The following LHFPL2 variants were observed in gnomAD, a reference collection of about 807,000 sequenced individuals.
LHFPL2 encodes LHFPL tetraspan subfamily member 2 protein.
In LHFPL2, 7 loss-of-function variants were observed where a neutral mutation model predicts 17.5. The ratio of observed to expected loss-of-function variants is 0.40; its 90% CI spans 0.23 to 0.75. The LOEUF (loss-of-function observed/expected upper bound fraction) is 0.75, where lower values mean the gene tolerates loss of function less well. Among genes scored for constraint, LHFPL2 ranks in the 30% least tolerant of loss-of-function variants. LHFPL2 has a pLI of 0.37. For missense variants in LHFPL2, 241 were observed against 294.8 expected, an observed-to-expected ratio of 0.82 and a Z score of 1.34; for synonymous variants, 134 against 116.2, an observed-to-expected ratio of 1.15 and a Z score of -0.99.
chr5:78,623,260 A>G (rs551755684), intron 2 of LHFPL2, among the ~76,000 whole-genome samples: 1 of 152,334 alleles, frequency 6.6e-6, no homozygotes, highest in East Asian at 1.9e-4. Flanking sequence ...CTTGCTTATT[A>G]ACATTAATTT....
chr5:78,631,935 C>CAAAAAAAAAAA (rs35424661), intron 2 of LHFPL2, among the ~76,000 whole-genome samples: 1 of 104,580 alleles, frequency 9.6e-6, no homozygotes, highest in African/African-American at 3.4e-5. Context: ...GACTCCATCT[C>CAAAAAAAAAAA]AAAAAAAAAA....
chr5:78,506,704 A>AG (rs1303029758), intron 4 of LHFPL2, among the ~76,000 whole-genome samples: 4 of 152,204 alleles, frequency 2.6e-5, no homozygotes, highest in Non-Finnish European at 5.9e-5. Context: ...AGGATAGCTC[A>AG]GTCCCTCTTT....
intron 2 of LHFPL2, among the ~76,000 whole-genome samples, chr5:78,623,640 G>A (rs1024129781): frequency 6.6e-6 from 1 of 152,148 alleles, no homozygotes; most frequent in Non-Finnish European, 1.5e-5. Context: ...TGGGGAAGGT[G>A]GGCACTCCCA....
At chr5:78,576,035 C>G (rs1482870211) in intron 2 of LHFPL2, among the ~76,000 whole-genome samples, 1 of 152,210 alleles carries the variant, frequency 6.6e-6, no homozygotes, top group Admixed American at 6.5e-5. Flanking sequence ...GTGGCTCACG[C>G]CTGTAATCCC....
intron 2 of LHFPL2, among the ~76,000 whole-genome samples, chr5:78,597,873 T>C (rs771436374): frequency 1.6e-4 from 25 of 152,290 alleles, no homozygotes; most frequent in Non-Finnish European, 3.1e-4. Flanking sequence ...CTGGGCAAGC[T>C]TGTTAGAAAA....
intron 2 of LHFPL2, among the ~76,000 whole-genome samples, chr5:78,614,855 A>C (rs191253271): frequency 6.6e-6 from 1 of 152,338 alleles, no homozygotes; most frequent in African/African-American, 2.4e-5. Context: ...ACTGGCTCCA[A>C]TTTACAGATG....
At chr5:78,516,622 A>G (rs1211972393) in intron 3 of LHFPL2, among the ~76,000 whole-genome samples, 1 of 152,210 alleles carries the variant, frequency 6.6e-6, no homozygotes, top group African/African-American at 2.4e-5. Flanking sequence ...TTTAAGATCT[A>G]TTTTTAAAAG....
chr5:78,533,601 A>G (rs1755851763), intron 3 of LHFPL2, among the ~76,000 whole-genome samples: 1 of 152,222 alleles, frequency 6.6e-6, no homozygotes, highest in Non-Finnish European at 1.5e-5. Context: ...CTAAAGGTTT[A>G]TAATCTGGTC....
intron 2 of LHFPL2, among the ~76,000 whole-genome samples, chr5:78,587,508 A>C (rs1743457795): frequency 6.6e-6 from 1 of 152,208 alleles, no homozygotes. Context: ...TGAATCCTAA[A>C]TACTCTATGC....
In LHFPL2 at chr5:78,486,290, T is replaced by C. The variant is rs1208289738; in HGVS notation, c.*2607A>G. ...GCAAATATTTCTGCCTCAGAGTTCA[T>C]TGAGAAGCGCAGCCCATCCCATCCC... On this transcript the variant is annotated 3_prime_UTR_variant, in exon 5 of 5. Coordinates refer to ENST00000380345, the MANE Select transcript of LHFPL2 (RefSeq NM_005779.3). The C allele has an allele frequency of 6.6e-6, 1 of 152,398 alleles. No homozygotes were observed. Among genetic ancestry groups the C allele is most frequent in the African/African-American group, 2.4e-5 (1 of 41,460 alleles). The allele number at this position is 152,398 out of a possible 1,614,324, so 9.4% of individuals were successfully genotyped here.
intron 2 of LHFPL2, among the ~76,000 whole-genome samples, chr5:78,624,409 G>A (rs1275721635): frequency 1.3e-5 from 2 of 152,188 alleles, no homozygotes; most frequent in East Asian, 3.8e-4. Flanking sequence ...ATGGTCAGCT[G>A]TCAAGGATTC....
intron 2 of LHFPL2, among the ~76,000 whole-genome samples, chr5:78,628,877 T>C (rs934286069): frequency 6.6e-6 from 1 of 152,098 alleles, no homozygotes; most frequent in African/African-American, 2.4e-5. Flanking sequence ...GCTTGGCCAT[T>C]AGGAAATAAA....
At chr5:78,489,412 TTTC>T (rs1362859269) in intron 4 of LHFPL2, among the ~76,000 whole-genome samples, 1 of 152,150 alleles carries the variant, frequency 6.6e-6, no homozygotes, top group African/African-American at 2.4e-5. Flanking sequence ...AATTGGTACT[TTTC>T]TTCTTCTTAA....
chr5:78,615,308 G>A (rs1744561961), intron 2 of LHFPL2, among the ~76,000 whole-genome samples: 1 of 152,046 alleles, frequency 6.6e-6, no homozygotes, highest in African/African-American at 2.4e-5. Flanking sequence ...GAAAATTTAT[G>A]CAAGAAATAC....
intron 1 of LHFPL2, among the ~76,000 whole-genome samples, chr5:78,641,786 C>T (rs1745667387): frequency 6.6e-6 from 1 of 152,072 alleles, no homozygotes. Context: ...AGATAACACA[C>T]CTTTTTAACC....
At chr5:78,578,432 A>C (rs1671643197) in intron 2 of LHFPL2, among the ~76,000 whole-genome samples, 1 of 151,988 alleles carries the variant, frequency 6.6e-6, no homozygotes, top group Non-Finnish European at 1.5e-5. Flanking sequence ...GGTTTTGGGG[A>C]GTTTTGGAAT....
intron 1 of LHFPL2, chr5:78,642,126 G>T (rs1359003425): frequency 2.0e-5 from 3 of 152,104 alleles, no homozygotes; most frequent in Admixed American, 2.0e-4. Context: ...TCACACACTG[G>T]AGAGTGAGCT....
intron 1 of LHFPL2, among the ~76,000 whole-genome samples, chr5:78,638,248 G>A (rs1015401325): frequency 3.9e-5 from 6 of 152,108 alleles, no homozygotes; most frequent in African/African-American, 7.2e-5. Context: ...CCAGCTATTC[G>A]GGAGGCTGAG....
intron 2 of LHFPL2, among the ~76,000 whole-genome samples, chr5:78,595,402 T>C (rs1393141774): frequency 6.6e-6 from 1 of 152,160 alleles, no homozygotes; most frequent in East Asian, 1.9e-4. Context: ...AGTGGACAGA[T>C]TTCTGCCACC....
Sources: gnomAD v4.1 joint callset for allele counts (sites outside exome capture counted in the v4.1 genomes callset) on GRCh38, gnomAD v4.1.1 for gene constraint, MANE v1.5 for transcripts, NCBI Gene and HGNC (gene_info 2026-07-23, HGNC 2026-07-21) for gene names.